MYO10: variants seen among roughly 807,000 people sequenced by gnomAD.
MYO10 encodes myosin X.
In MYO10, 133 loss-of-function variants were observed where a neutral mutation model predicts 257.3. That is an observed-to-expected ratio of 0.52 (90% confidence interval 0.45 to 0.60). The LOEUF (loss-of-function observed/expected upper bound fraction) is 0.60, where lower values mean the gene tolerates loss of function less well. Ranked by LOEUF, MYO10 falls within the 20% of genes least tolerant of loss-of-function variation. MYO10 has a pLI of 0.00. For synonymous variants in MYO10, 1,104 were observed against 1,028.6 expected (o/e 1.07, Z -1.40); for missense variants, 2,399 against 2,635.7 (o/e 0.91, Z 1.97).
chr5:16,742,148 A>C, intron 19 of MYO10: 1 of 985,392 alleles, frequency 1.0e-6, no homozygotes, highest in South Asian at 4.7e-5. Flanking sequence ...TTTTTTTTAA[A>C]AAAAGTCCCA....
At chr5:16,728,009 CTG>C (rs1255198380) in intron 19 of MYO10, among the ~76,000 whole-genome samples, 1 of 152,152 alleles carries the variant, frequency 6.6e-6, no homozygotes, top group African/African-American at 2.4e-5. Flanking sequence ...TTGGCTGCCT[CTG>C]TGCCTGGTCA....
At chr5:16,709,812 A>C (rs1033374175) in intron 21 of MYO10, among the ~76,000 whole-genome samples, 1 of 152,144 alleles carries the variant, frequency 6.6e-6, no homozygotes, top group Non-Finnish European at 1.5e-5. Flanking sequence ...AGCTCATGTG[A>C]TTATCTCTGC....
intron 27 of MYO10, among the ~76,000 whole-genome samples, chr5:16,692,105 G>T (rs1737536540): frequency 6.6e-6 from 1 of 152,114 alleles, no homozygotes; most frequent in Admixed American, 6.6e-5. Context: ...AAACCAACAA[G>T]AACACTACCA....
chr5:16,746,154 G>C (rs1031174613), intron 19 of MYO10, among the ~76,000 whole-genome samples: 2 of 152,102 alleles, frequency 1.3e-5, no homozygotes, highest in African/African-American at 4.8e-5. Context: ...CCCCTTTTTA[G>C]ACGATATAGG....
intron 19 of MYO10, among the ~76,000 whole-genome samples, chr5:16,734,666 G>T (rs74934137): frequency 6.6e-6 from 1 of 152,160 alleles, no homozygotes; most frequent in Non-Finnish European, 1.5e-5. Flanking sequence ...TTAGCCGGAC[G>T]TGGTGGCGCA....
At chr5:16,674,735 G>T in intron 35 of MYO10, 118 bp downstream of exon 35, 2 of 1,173,782 alleles carry the variant, frequency 1.7e-6, no homozygotes, top group Non-Finnish European at 2.4e-6. Flanking sequence ...TGACCCAGAG[G>T]TCCCTGTCCT....
chr5:16,830,460 T>G (rs1310143307), intron 2 of MYO10, among the ~76,000 whole-genome samples: 1 of 152,138 alleles, frequency 6.6e-6, no homozygotes, highest in Non-Finnish European at 1.5e-5. Flanking sequence ...GAACGCTTTC[T>G]TGTTGCTTAT....
intron 26 of MYO10, among the ~76,000 whole-genome samples, chr5:16,698,125 C>A (rs2126540433): frequency 6.6e-6 from 1 of 152,280 alleles, no homozygotes; most frequent in African/African-American, 2.4e-5. Flanking sequence ...AATTCCTGCA[C>A]TTTGGGAGGC....
Position 16,711,016 on chromosome 5 carries a change from T to C in MYO10, c.2061A>G (p.Lys687=). 1 of 1,613,976 alleles carries C rather than the reference T, an allele frequency of 6.2e-7. No individual in the cohort carries two copies. The highest frequency in any genetic ancestry group is 1.7e-5 in the Admixed American group (1 of 60,020). Residue 687 remains lysine, a synonymous_variant, in exon 21 of 41, where the codon AAA becomes AAG. Transcript: ENST00000513610. ...GCAGAGCCAGATTCCTCATCAGCACTTTATACCTGCAACGTGAAGACACAC... is the reference window on the plus strand; with the variant it reads ...GCAGAGCCAGATTCCTCATCAGCACCTTATACCTGCAACGTGAAGACACAC... The part of the protein sequence containing the change: ...RPFQDFYKRY[K]VLMRNLALPE...
At chr5:16,746,762 T>C (rs905247067) in intron 19 of MYO10, among the ~76,000 whole-genome samples, 3 of 152,214 alleles carry the variant, frequency 2.0e-5, no homozygotes, top group South Asian at 2.1e-4. Context: ...TAAGAAATCA[T>C]TGTGCTCTGC....
At chr5:16,922,265 G>T (rs1746008106) in intron 1 of MYO10, among the ~76,000 whole-genome samples, 1 of 151,772 alleles carries the variant, frequency 6.6e-6, no homozygotes. Flanking sequence ...TGAAAAAAGG[G>T]CACATGGGCC....
At chr5:16,750,568 G>A (rs749598175) in intron 19 of MYO10, among the ~76,000 whole-genome samples, 6 of 152,252 alleles carry the variant, frequency 3.9e-5, no homozygotes, top group Admixed American at 2.0e-4. Context: ...CTAGCCCGGC[G>A]AGTGTGTGAG....
intron 19 of MYO10, among the ~76,000 whole-genome samples, chr5:16,753,877 G>A (rs1317774952): frequency 2.0e-5 from 3 of 152,172 alleles, no homozygotes; most frequent in East Asian, 3.9e-4. Context: ...TCCAGCATCA[G>A]TCAAATTACC....
rs2126461145 is a variant in MYO10 at position 16,670,688 on chromosome 5, C to G, written c.5721G>C (p.Gln1907His). Residue 1907 changes from glutamine to histidine, a missense_variant, in exon 39 of 41, where the codon CAG becomes CAC. Gln to His is a conservative substitution (Grantham distance 24, BLOSUM62 0). Coordinates refer to ENST00000513610, the MANE Select transcript of MYO10 (RefSeq NM_012334.3). ...CTTCCTTAATCCACATGTCCAGCAT[C>G]TGCTCCTCCTCGACCTTCTGCCGGA... is the stretch of plus-strand genomic sequence containing the variant. ...SVVRQKVEEE[Q>H]MLDMWIKEEV... 3 of 1,614,074 alleles carry G rather than the reference C, an allele frequency of 1.9e-6. No homozygotes were observed. The East Asian group carries it at 6.7e-5, about 36-fold the overall frequency.
At chr5:16,679,178 C>A (rs551424657) in intron 33 of MYO10, among the ~76,000 whole-genome samples, 1 of 152,284 alleles carries the variant, frequency 6.6e-6, no homozygotes, top group East Asian at 1.9e-4. Context: ...TCTAGACCAC[C>A]CTGGGCTCCT....
intron 34 of MYO10, 26 bp downstream of exon 34, chr5:16,676,005 G>A: frequency 1.3e-6 from 2 of 1,592,768 alleles, no homozygotes; most frequent in South Asian, 1.1e-5. Context: ...GGTCTCTGAG[G>A]AGTCGGGGTG....
intron 1 of MYO10, among the ~76,000 whole-genome samples, chr5:16,886,223 A>T (rs1175526342): frequency 6.6e-6 from 1 of 152,206 alleles, no homozygotes; most frequent in Non-Finnish European, 1.5e-5. Flanking sequence ...CTGACCAACT[A>T]CAGAGGAAGG....
In MYO10 at chr5:16,755,720, CTT is replaced by C. The variant is rs544255942; in HGVS notation, c.1849-814_1849-813del. ...TCTTTAATACTACTTTCTTTTCCAACTTTTTTTTTTTTTTTTTTTTTAGAGTT... is the reference window on the plus strand; with the variant it reads ...TCTTTAATACTACTTTCTTTTCCAACTTTTTTTTTTTTTTTTTTTAGAGTT... On this transcript the variant is annotated intron_variant, in intron 18 of 40. Coordinates refer to ENST00000513610, the MANE Select transcript of MYO10 (RefSeq NM_012334.3). Among the ~76,000 whole-genome samples, 567 of 130,762 alleles carry C rather than the reference CTT, an allele frequency of 4.3e-3. 6 individuals carry two copies. The highest frequency in any genetic ancestry group is 0.014 in the African/African-American group (515 of 36,092). The allele number at this position is 130,762 out of a possible 152,430, so 85.8% of individuals were successfully genotyped here.
intron 3 of MYO10, among the ~76,000 whole-genome samples, chr5:16,814,128 A>G (rs1160033695): frequency 6.6e-6 from 1 of 152,146 alleles, no homozygotes; most frequent in Non-Finnish European, 1.5e-5. Flanking sequence ...TTCAACCTAC[A>G]GAACTGTAAT....
Sources: allele counts gnomAD v4.1 joint callset (sites outside exome capture counted in the v4.1 genomes callset), GRCh38; gene constraint gnomAD v4.1.1; transcripts MANE v1.5; gene names NCBI Gene and HGNC (gene_info 2026-07-23, HGNC 2026-07-21).